The following SUGCT variants were observed in gnomAD, a reference collection of about 807,000 sequenced individuals.
SUGCT encodes succinyl-CoA:glutarate CoA-transferase.
SUGCT carries 41 observed loss-of-function variants against 55.0 expected under a neutral mutation model. The ratio of observed to expected loss-of-function variants is 0.74; its 90% CI spans 0.58 to 0.97. The LOEUF (loss-of-function observed/expected upper bound fraction) is 0.97. SUGCT is among the 50% of genes least tolerant of loss of function. The pLI, the probability that SUGCT is intolerant of heterozygous loss-of-function variation, is 0.00. For synonymous variants in SUGCT, 187 were observed against 200.4 expected (o/e 0.93, Z 0.56); for missense variants, 568 against 547.8 (o/e 1.04, Z -0.37).
the SUGCT span, among the ~76,000 whole-genome samples, chr7:40,889,022 T>A: frequency 1.3e-5 from 2 of 152,358 alleles, no homozygotes; most frequent in South Asian, 4.1e-4. Context: ...TTGACTGATT[T>A]TCTTTTGGCA....
chr7:40,701,966 C>G (rs1785189153), intron 12 of SUGCT, among the ~76,000 whole-genome samples: 1 of 152,194 alleles, frequency 6.6e-6, no homozygotes, highest in African/African-American at 2.4e-5. Flanking sequence ...ACACATATGT[C>G]AAAGGAAAGC....
At chr7:40,852,041 C>T (rs1196325362) in intron 13 of SUGCT, among the ~76,000 whole-genome samples, 1 of 152,180 alleles carries the variant, frequency 6.6e-6, no homozygotes, top group African/African-American at 2.4e-5. Flanking sequence ...GGCCAAAACT[C>T]TTCCTTTAAT....
chr7:40,809,615 G>A (rs2128756275), intron 13 of SUGCT, among the ~76,000 whole-genome samples: 1 of 152,204 alleles, frequency 6.6e-6, no homozygotes, highest in African/African-American at 2.4e-5. Context: ...CATGAAGATA[G>A]TAGGTCAATG....
intron 9 of SUGCT, 84 bp downstream of exon 9, chr7:40,316,939 C>T: frequency 2.5e-6 from 1 of 397,528 alleles, no homozygotes; most frequent in African/African-American, 2.1e-5. Flanking sequence ...TCTTTTTATA[C>T]ACAAATCCTT....
chr7:40,932,975 A>G, the SUGCT span, among the ~76,000 whole-genome samples: 1,920 of 152,224 alleles, frequency 0.013, 45 homozygotes, highest in African/African-American at 0.044. Flanking sequence ...TCCTGTCATT[A>G]TGATGTTCGC....
At position 40,367,519 on chromosome 7, in the gene SUGCT, C is replaced by T. The variant is rs1055599034; in HGVS notation, c.816+50664C>T. On this transcript the variant is annotated intron_variant, in intron 9 of 13. Coordinates refer to ENST00000335693, the MANE Select transcript of SUGCT (RefSeq NM_001193313.2). ...AAAAGTATATGAACTTACTAAACAA[C>T]ACCTGTGCCCCTCAAAAAACACTTA... Among the ~76,000 whole-genome samples, 12 of 151,920 alleles carry T rather than the reference C, an allele frequency of 7.9e-5. No individual in the cohort carries two copies. In the East Asian group the frequency reaches 2.3e-3, roughly 29 times the overall value.
the SUGCT span, among the ~76,000 whole-genome samples, chr7:41,013,184 C>T: frequency 3.3e-5 from 5 of 152,288 alleles, no homozygotes; most frequent in African/African-American, 1.2e-4. Flanking sequence ...CTTCAAACTG[C>T]GGAAATAATA....
At chr7:40,471,726 G>A (rs992492399) in intron 11 of SUGCT, among the ~76,000 whole-genome samples, 5 of 151,980 alleles carry the variant, frequency 3.3e-5, no homozygotes, top group Non-Finnish European at 7.4e-5. Flanking sequence ...AAGTACTGGA[G>A]ATAACAATCC....
intron 12 of SUGCT, among the ~76,000 whole-genome samples, chr7:40,556,728 T>A (rs1795579174): frequency 6.6e-6 from 1 of 152,228 alleles, no homozygotes; most frequent in Admixed American, 6.5e-5. Context: ...GCTAAAATAG[T>A]ACTTTATATG....
At chr7:40,163,193 C>T (rs1784261636) in intron 1 of SUGCT, among the ~76,000 whole-genome samples, 1 of 152,162 alleles carries the variant, frequency 6.6e-6, no homozygotes, top group South Asian at 2.1e-4. Context: ...TGTGGAAGAG[C>T]AGTGAGATTT....
At chr7:40,339,479 G>T (rs187454232) in intron 9 of SUGCT, among the ~76,000 whole-genome samples, 184 of 152,302 alleles carry the variant, frequency 1.2e-3, no homozygotes, top group Non-Finnish European at 2.1e-3. Flanking sequence ...CTGCCATCTT[G>T]CAGTTTGATC....
chr7:40,420,840 A>G (rs914384797), intron 9 of SUGCT, among the ~76,000 whole-genome samples: 1 of 152,000 alleles, frequency 6.6e-6, no homozygotes, highest in African/African-American at 2.4e-5. Flanking sequence ...CACACTATAT[A>G]TATACTTTCT....
At chr7:40,694,347 G>A (rs1439252857) in intron 12 of SUGCT, among the ~76,000 whole-genome samples, 2 of 152,214 alleles carry the variant, frequency 1.3e-5, no homozygotes, top group African/African-American at 2.4e-5. Context: ...AAACCCTGAG[G>A]AGAGGAACTT....
At chr7:40,191,344 A>G (rs1447282694) in intron 5 of SUGCT, among the ~76,000 whole-genome samples, 1 of 152,152 alleles carries the variant, frequency 6.6e-6, no homozygotes, top group Admixed American at 6.6e-5. Flanking sequence ...CCAAAACATT[A>G]ACTTAGCTTC....
chr7:40,639,354 C>T (rs1030427828), intron 12 of SUGCT, among the ~76,000 whole-genome samples: 3 of 152,084 alleles, frequency 2.0e-5, no homozygotes, highest in Non-Finnish European at 4.4e-5. Context: ...GAAGAAATGC[C>T]ACAATATCTC....
chr7:40,528,648 A>G (rs1205678153), intron 12 of SUGCT, among the ~76,000 whole-genome samples: 1 of 152,248 alleles, frequency 6.6e-6, no homozygotes, highest in African/African-American at 2.4e-5. Context: ...ATATAATTTT[A>G]TGAAAATCTT....
At chr7:40,179,116 CA>C (rs2150701794) in intron 1 of SUGCT, among the ~76,000 whole-genome samples, 1 of 152,120 alleles carries the variant, frequency 6.6e-6, no homozygotes, top group East Asian at 1.9e-4. Context: ...GGATTTTGAG[CA>C]GGGAAGGATA....
At chr7:40,641,578 G>A (rs1373856435) in intron 12 of SUGCT, among the ~76,000 whole-genome samples, 1 of 152,092 alleles carries the variant, frequency 6.6e-6, no homozygotes, top group Admixed American at 6.6e-5. Flanking sequence ...TGATGTTTTG[G>A]AATCTTTACA....
chr7:40,930,639 C>T, the SUGCT span, among the ~76,000 whole-genome samples: 20,961 of 152,122 alleles, frequency 0.14, 1,938 homozygotes, highest in Non-Finnish European at 0.2. Context: ...TCCTTCACAT[C>T]CCTTGTAAGT....
Sources: allele counts gnomAD v4.1 joint callset (sites outside exome capture counted in the v4.1 genomes callset), GRCh38; gene constraint gnomAD v4.1.1; transcripts MANE v1.5; gene names NCBI Gene and HGNC (gene_info 2026-07-23, HGNC 2026-07-21).